The following THSD7B variants were observed in gnomAD, a reference collection of about 807,000 sequenced individuals.
THSD7B encodes the protein thrombospondin type-1 domain-containing protein 7B.
Under a neutral mutation model 213.6 loss-of-function variants are expected in THSD7B, and 138 were observed. The observed-to-expected ratio is 0.65, with a 90% CI of 0.56 to 0.74. THSD7B has a LOEUF of 0.74. Among genes scored for constraint, THSD7B ranks in the 30% least tolerant of loss-of-function variants. The probability of loss-of-function intolerance (pLI) is 0.00; values close to 1 mark genes in which losing one functional copy is unlikely to be tolerated. For synonymous variants in THSD7B, 742 were observed against 687.0 expected (o/e 1.08, Z -1.25); for missense variants, 1,931 against 1,991.5 (o/e 0.97, Z 0.58).
intron 7 of THSD7B, among the ~76,000 whole-genome samples, chr2:137,182,357 G>A (rs1680470590): frequency 1.3e-5 from 2 of 152,152 alleles, no homozygotes; most frequent in Non-Finnish European, 2.9e-5. Flanking sequence ...ACTGGAGAGA[G>A]CTGTGTGCCT....
At chr2:137,347,940 T>C (rs1241968444) in intron 12 of THSD7B, among the ~76,000 whole-genome samples, 3 of 151,558 alleles carry the variant, frequency 2.0e-5, no homozygotes, top group Non-Finnish European at 3.0e-5. Flanking sequence ...TATTGTATTA[T>C]GCTCTAAATT....
At chr2:137,218,058 A>G (rs1372210467) in intron 7 of THSD7B, among the ~76,000 whole-genome samples, 1 of 152,196 alleles carries the variant, frequency 6.6e-6, no homozygotes, top group Admixed American at 6.5e-5. Context: ...ATGTTCTTAA[A>G]TTGCTTCCAA....
intron 10 of THSD7B, among the ~76,000 whole-genome samples, chr2:137,249,725 A>T (rs985713624): frequency 2.6e-5 from 4 of 152,230 alleles, no homozygotes; most frequent in Non-Finnish European, 5.9e-5. Flanking sequence ...GAATCAGAGC[A>T]TGGTGGAAAT....
chr2:137,097,386 T>A (rs577773480), intron 4 of THSD7B, among the ~76,000 whole-genome samples: 35 of 152,300 alleles, frequency 2.3e-4, no homozygotes, highest in Non-Finnish European at 2.1e-4. Context: ...ATAAATTAAC[T>A]AATTAAATAT....
intron 15 of THSD7B, among the ~76,000 whole-genome samples, chr2:137,489,973 TA>T (rs2105120536): frequency 6.6e-6 from 1 of 152,272 alleles, no homozygotes; most frequent in African/African-American, 2.4e-5. Context: ...TCAAGAACAA[TA>T]GATATTCATT....
intron 1 of THSD7B, among the ~76,000 whole-genome samples, chr2:136,808,002 T>C (rs954325478): frequency 6.6e-6 from 1 of 152,226 alleles, no homozygotes; most frequent in East Asian, 1.9e-4. Context: ...GTATACACTA[T>C]CTATATTAAG....
chr2:137,545,925 C>T (rs1264635455), intron 15 of THSD7B, among the ~76,000 whole-genome samples: 5 of 151,398 alleles, frequency 3.3e-5, no homozygotes, highest in Admixed American at 2.0e-4. Context: ...TATTACCTGC[C>T]TTTAAGGGAA....
chr2:136,801,162 C>T lies in THSD7B; in HGVS notation c.-36+35475C>T, dbSNP rs928943678. Among the ~76,000 whole-genome samples the T allele has an allele frequency of 2.6e-5, 4 of 152,100 alleles. No individual in the cohort carries two copies. In the East Asian group the frequency reaches 5.8e-4, roughly 22 times the overall value. ...ATATTTACTCCGACAAATGATGTAACTTGCAGCATAATTGGCTGTGAACAC... is the reference window on the plus strand; with the variant it reads ...ATATTTACTCCGACAAATGATGTAATTTGCAGCATAATTGGCTGTGAACAC... On this transcript the variant is annotated intron_variant, in intron 1 of 27. Transcript: ENST00000409968.
At chr2:137,357,057 T>C (rs1434927874) in intron 12 of THSD7B, among the ~76,000 whole-genome samples, 3 of 152,006 alleles carry the variant, frequency 2.0e-5, no homozygotes, top group Non-Finnish European at 4.4e-5. Context: ...AAATGTATTA[T>C]GTGATCATAG....
chr2:136,799,009 T>C (rs1161021584), intron 1 of THSD7B, among the ~76,000 whole-genome samples: 1 of 152,044 alleles, frequency 6.6e-6, no homozygotes, highest in East Asian at 1.9e-4. Context: ...AGTGAATCCA[T>C]AGATTTTCTA....
intron 3 of THSD7B, among the ~76,000 whole-genome samples, chr2:137,059,110 G>T (rs1240872778): frequency 6.6e-6 from 1 of 152,072 alleles, no homozygotes; most frequent in Non-Finnish European, 1.5e-5. Context: ...TCGTGATGAA[G>T]GTTGTCTTCT....
Position 137,357,720 on chromosome 2 carries a change from C to T in THSD7B, c.2501-47893C>T, listed in dbSNP as rs1357423726. Among the ~76,000 whole-genome samples, 6 of 152,148 alleles carry T rather than the reference C, an allele frequency of 3.9e-5. No individual in the cohort carries two copies. The South Asian group carries it at 1.2e-3, about 32-fold the overall frequency. ...ACAATGCATGACCAGTTCTCCTACC[C>T]ACCACTCTCTACTCTTCCACTCCCA... On this transcript the variant is annotated intron_variant, in intron 12 of 27. Coordinates refer to ENST00000409968, the MANE Select transcript of THSD7B (RefSeq NM_001316349.2).
intron 14 of THSD7B, among the ~76,000 whole-genome samples, chr2:137,424,199 TA>T (rs985159310): frequency 1.3e-5 from 2 of 152,004 alleles, no homozygotes; most frequent in Non-Finnish European, 2.9e-5. Flanking sequence ...GCTAAAATTA[TA>T]AAAAAATTAT....
chr2:137,084,304 G>A (rs1687799565), intron 3 of THSD7B, among the ~76,000 whole-genome samples: 1 of 152,096 alleles, frequency 6.6e-6, no homozygotes, highest in Admixed American at 6.6e-5. Flanking sequence ...ATATAATAAA[G>A]GACGTGACAG....
At position 137,170,799 on chromosome 2, in the gene THSD7B, C is replaced by T. The variant is rs1351168661; in HGVS notation, c.1584C>T (p.Cys528=). The T allele has an allele frequency of 6.2e-7, 1 of 1,613,694 alleles. No homozygotes were observed. Among genetic ancestry groups the T allele is most frequent in the Non-Finnish European group, 8.5e-7 (1 of 1,179,736 alleles). The change falls in exon 7 of 28, where the codon TGC becomes TGT. Residue 528 remains cysteine, a synonymous_variant. Transcript: ENST00000409968. ...LMESTGPAGH[C]PHLVESVPCE... ...AATCTACAGGGCCTGCAGGGCATTG[C>T]CCTCATTTGGTGGAGTCTGTTCCTT...
At chr2:136,870,615 A>T (rs1261303879) in intron 1 of THSD7B, among the ~76,000 whole-genome samples, 7 of 152,190 alleles carry the variant, frequency 4.6e-5, no homozygotes, top group African/African-American at 1.7e-4. Context: ...GGGGTCTGGG[A>T]AGGCCTTTGC....
At chr2:137,013,037 AC>A (rs1445919293) in intron 2 of THSD7B, among the ~76,000 whole-genome samples, 1 of 152,156 alleles carries the variant, frequency 6.6e-6, no homozygotes, top group East Asian at 1.9e-4. Context: ...ATGTTTATTT[AC>A]TTTTTTTTCA....
At position 136,948,657 on chromosome 2, in the gene THSD7B, G is replaced by T. The variant is rs1188610779; in HGVS notation, c.139+66340G>T. Among the ~76,000 whole-genome samples the T allele has an allele frequency of 2.0e-5, 3 of 152,072 alleles. No homozygotes were observed. The East Asian group carries it at 5.8e-4, about 29-fold the overall frequency. On this transcript the variant is annotated intron_variant, in intron 2 of 27. Transcript: ENST00000409968. ...AAGATATGTGTATATATACTTACAT[G>T]CATATGTGTATAATAAAAGCATTTG...
chr2:137,165,722 G>T (rs887317420), intron 6 of THSD7B, among the ~76,000 whole-genome samples: 1 of 151,212 alleles, frequency 6.6e-6, no homozygotes, highest in African/African-American at 2.4e-5. Context: ...AGAAATCTAG[G>T]ATATTTATAC....
Sources: gnomAD v4.1 joint callset for allele counts (sites outside exome capture counted in the v4.1 genomes callset) on GRCh38, gnomAD v4.1.1 for gene constraint, MANE v1.5 for transcripts, NCBI Gene and HGNC (gene_info 2026-07-23, HGNC 2026-07-21) for gene names.